The following CDH18 variants were observed in gnomAD, a reference collection of about 807,000 sequenced individuals.
CDH18 encodes the protein cadherin-18.
CDH18 carries 31 observed loss-of-function variants against 67.9 expected under a neutral mutation model. The ratio of observed to expected loss-of-function variants is 0.46; its 90% CI spans 0.34 to 0.62. The LOEUF (loss-of-function observed/expected upper bound fraction) is 0.62, where lower values mean the gene tolerates loss of function less well. CDH18 is among the 20% of genes least tolerant of loss of function. The pLI, the probability that CDH18 is intolerant of heterozygous loss-of-function variation, is 0.01. For missense variants in CDH18, 890 were observed against 975.5 expected, an observed-to-expected ratio of 0.91 and a Z score of 1.17; for synonymous variants, 362 against 347.2, an observed-to-expected ratio of 1.04 and a Z score of -0.48.
intron 11 of CDH18, among the ~76,000 whole-genome samples, chr5:19,495,088 C>G (rs1742065205): frequency 6.6e-6 from 1 of 152,106 alleles, no homozygotes; most frequent in African/African-American, 2.4e-5. Context: ...GTAATAGAGG[C>G]AACAAGTGCC....
At chr5:20,401,286 A>T (rs983133526) in intron 1 of CDH18, among the ~76,000 whole-genome samples, 1 of 152,216 alleles carries the variant, frequency 6.6e-6, no homozygotes. Context: ...AATGAGGTGC[A>T]TATCATGTAT....
At chr5:19,600,383 A>G (rs1746923546) in intron 6 of CDH18, among the ~76,000 whole-genome samples, 1 of 151,756 alleles carries the variant, frequency 6.6e-6, no homozygotes, top group African/African-American at 2.4e-5. Flanking sequence ...ATAAGCCTCT[A>G]GAGTTTTTCA....
chr5:20,436,865 C>T (rs7721674), intron 1 of CDH18, among the ~76,000 whole-genome samples: 28,976 of 150,466 alleles, frequency 0.19, 3,699 homozygotes, highest in East Asian at 0.39. Flanking sequence ...GTTTTACTCC[C>T]GCAGCAATTC....
At chr5:20,387,493 T>C (rs1275171988) in intron 1 of CDH18, among the ~76,000 whole-genome samples, 1 of 152,176 alleles carries the variant, frequency 6.6e-6, no homozygotes, top group East Asian at 1.9e-4. Flanking sequence ...TTTCTAGATA[T>C]ACAATCATGT....
At chr5:19,607,627 TATC>T (rs1338549572) in intron 6 of CDH18, among the ~76,000 whole-genome samples, 4 of 151,428 alleles carry the variant, frequency 2.6e-5, no homozygotes, top group Non-Finnish European at 4.4e-5. Context: ...AATGAAACTA[TATC>T]AGTAATTAAG....
chr5:19,778,942 G>A (rs561410943), intron 3 of CDH18, among the ~76,000 whole-genome samples: 5 of 152,094 alleles, frequency 3.3e-5, no homozygotes, highest in Non-Finnish European at 5.9e-5. Context: ...TGCTGGCTTC[G>A]TTTACTGGCC....
At chr5:20,531,393 T>C (rs935593023) in intron 1 of CDH18, among the ~76,000 whole-genome samples, 4 of 152,226 alleles carry the variant, frequency 2.6e-5, no homozygotes, top group South Asian at 2.1e-4. Flanking sequence ...ACTGGGTATA[T>C]ACACAAAGAA....
chr5:20,157,823 G>A (rs1484358012), intron 2 of CDH18, among the ~76,000 whole-genome samples: 1 of 151,886 alleles, frequency 6.6e-6, no homozygotes, highest in East Asian at 1.9e-4. Flanking sequence ...TGTATTTTTA[G>A]TAGAGATGGG....
chr5:20,547,754 C>T (rs1389576057), intron 1 of CDH18, among the ~76,000 whole-genome samples: 2 of 152,032 alleles, frequency 1.3e-5, no homozygotes, highest in African/African-American at 4.8e-5. Context: ...ATTCACTAAA[C>T]TTATTCCTAG....
chr5:20,313,591 G>T (rs1317676267), intron 1 of CDH18, among the ~76,000 whole-genome samples: 1 of 151,912 alleles, frequency 6.6e-6, no homozygotes. Flanking sequence ...TAACAATCAG[G>T]TTTTCAGGAA....
chr5:19,974,832 A>AG (rs1798353700), intron 2 of CDH18, among the ~76,000 whole-genome samples: 1 of 152,040 alleles, frequency 6.6e-6, no homozygotes, highest in African/African-American at 2.4e-5. Flanking sequence ...TCCAGGGTGC[A>AG]GGGGGTGTGG....
At chr5:20,377,196 G>A (rs10054722) in intron 1 of CDH18, among the ~76,000 whole-genome samples, 29,051 of 151,966 alleles carry the variant, frequency 0.19, 3,062 homozygotes, top group African/African-American at 0.26. Context: ...TTTTGATGGT[G>A]TACTGAATAA....
rs139950454 is a variant in CDH18 at position 20,422,996 on chromosome 5, C to T, written c.-580+152466G>A. On this transcript the variant is annotated intron_variant, in intron 1 of 14. Transcript: ENST00000507958. ...CAGTATCCCTACTCTTCCCTCCTCC[C>T]CTCTCTGGAGAGAAAGATTTTTTTC... Among the ~76,000 whole-genome samples, 282 of 151,238 alleles carry T rather than the reference C, an allele frequency of 1.9e-3. 22 individuals are homozygous for T. Among genetic ancestry groups the T allele is most frequent in the African/African-American group, 6.9e-3 (278 of 40,572 alleles).
intron 5 of CDH18, among the ~76,000 whole-genome samples, chr5:19,711,041 A>C (rs2150528328): frequency 6.6e-6 from 1 of 152,202 alleles, no homozygotes; most frequent in East Asian, 1.9e-4. Flanking sequence ...GGAAAATTGG[A>C]TTGTCATATG....
intron 2 of CDH18, among the ~76,000 whole-genome samples, chr5:20,071,503 A>G (rs1296499370): frequency 6.6e-6 from 1 of 152,086 alleles, no homozygotes; most frequent in Non-Finnish European, 1.5e-5. Context: ...GGAGTTATTT[A>G]CTTATACTTC....
intron 2 of CDH18, among the ~76,000 whole-genome samples, chr5:19,890,751 T>C (rs1372380485): frequency 6.6e-6 from 1 of 152,012 alleles, no homozygotes; most frequent in Non-Finnish European, 1.5e-5. Flanking sequence ...CCCACCACTA[T>C]GCCTGGCTAA....
At chr5:20,459,588 CT>C (rs1751100646) in intron 1 of CDH18, among the ~76,000 whole-genome samples, 1 of 152,130 alleles carries the variant, frequency 6.6e-6, no homozygotes, top group South Asian at 2.1e-4. Context: ...CCACAGTGCC[CT>C]CCCCTAGACT....
intron 2 of CDH18, among the ~76,000 whole-genome samples, chr5:19,954,537 T>C (rs1220050068): frequency 6.6e-6 from 1 of 151,990 alleles, no homozygotes; most frequent in African/African-American, 2.4e-5. Context: ...CTTATAGAGA[T>C]TTATATTAAA....
intron 2 of CDH18, among the ~76,000 whole-genome samples, chr5:20,240,830 T>TG (rs1315464087): frequency 6.6e-6 from 1 of 151,854 alleles, no homozygotes; most frequent in Non-Finnish European, 1.5e-5. Flanking sequence ...CTTATTTGGG[T>TG]GGGAAAAAAA....
Sources: allele counts gnomAD v4.1 joint callset (sites outside exome capture counted in the v4.1 genomes callset), GRCh38; gene constraint gnomAD v4.1.1; transcripts MANE v1.5; gene names NCBI Gene and HGNC (gene_info 2026-07-23, HGNC 2026-07-21).